TUSC3: variants seen among roughly 807,000 people sequenced by gnomAD.
TUSC3 encodes dolichyl-diphosphooligosaccharide--protein glycosyltransferase subunit TUSC3.
TUSC3 carries 45 observed loss-of-function variants against 44.8 expected under a neutral mutation model. The observed-to-expected ratio is 1.00, with a 90% confidence interval of 0.79 to 1.29. The LOEUF (loss-of-function observed/expected upper bound fraction) is 1.29. Ranked by LOEUF, TUSC3 falls within the 50% of genes most tolerant of loss-of-function variation. TUSC3 has a pLI of 0.00. For synonymous variants in TUSC3, 212 were observed against 152.9 expected (o/e 1.39, Z -2.85); for missense variants, 519 against 437.9 (o/e 1.19, Z -1.65).
chr8:15,684,123 A>G (rs1046171203), intron 6 of TUSC3, among the ~76,000 whole-genome samples: 25 of 152,194 alleles, frequency 1.6e-4, no homozygotes, highest in Admixed American at 1.4e-3. Context: ...CGGGGGCCAT[A>G]TATGACTGCC....
intron 2 of TUSC3, among the ~76,000 whole-genome samples, chr8:15,630,427 G>C (rs9694476): frequency 0.33 from 49,339 of 151,718 alleles, 8,541 homozygotes; most frequent in East Asian, 0.41. Flanking sequence ...TATTGGGGAC[G>C]CTATGTTAAG....
chr8:15,573,783 T>A (rs186279457), intron 1 of TUSC3, among the ~76,000 whole-genome samples: 3 of 152,166 alleles, frequency 2.0e-5, no homozygotes, highest in Non-Finnish European at 2.9e-5. Context: ...TGATTTTTTT[T>A]AATGCTAACA....
chr8:15,607,912 G>A (rs1052089484), intron 1 of TUSC3, among the ~76,000 whole-genome samples: 1 of 152,042 alleles, frequency 6.6e-6, no homozygotes, highest in South Asian at 2.1e-4. Flanking sequence ...TCTAGTTATG[G>A]AACGTAATGA....
chr8:15,565,428 A>T lies in TUSC3; in HGVS notation c.138+24860A>T, dbSNP rs146592244. Among the ~76,000 whole-genome samples, 44 of 152,254 alleles carry T rather than the reference A, an allele frequency of 2.9e-4. 1 individual carries two copies. The highest frequency in any genetic ancestry group is 9.4e-4 in the African/African-American group (39 of 41,558). On this transcript the variant is annotated intron_variant, in intron 1 of 10. Transcript: ENST00000503731. ...AATTAACCTGTTTCTTGGAATTAGAACATGGACATCTTTGGTGGGTTGGGA... is the reference window on the plus strand; with the variant it reads ...AATTAACCTGTTTCTTGGAATTAGATCATGGACATCTTTGGTGGGTTGGGA...
intron 10 of TUSC3, among the ~76,000 whole-genome samples, chr8:15,759,582 G>A (rs556944497): frequency 2.0e-4 from 30 of 152,028 alleles, no homozygotes; most frequent in African/African-American, 7.0e-4. Flanking sequence ...ATATACCCTC[G>A]GTCTCCAGTA....
intron 1 of TUSC3, among the ~76,000 whole-genome samples, chr8:15,573,365 G>C (rs1023857251): frequency 6.6e-6 from 1 of 151,478 alleles, no homozygotes; most frequent in Admixed American, 6.6e-5. Context: ...TACTGGGCTT[G>C]TTTGTGTCAG....
chr8:15,668,645 CAAA>C (rs1311423162), intron 5 of TUSC3, among the ~76,000 whole-genome samples: 1 of 151,682 alleles, frequency 6.6e-6, no homozygotes, highest in Non-Finnish European at 1.5e-5. Context: ...TTGTGACTCT[CAAA>C]GAAAACACAA....
chr8:15,794,735 A>C, the TUSC3 span, among the ~76,000 whole-genome samples: 1 of 151,934 alleles, frequency 6.6e-6, no homozygotes, highest in African/African-American at 2.4e-5. Context: ...TGGGAACCCA[A>C]ATTTTTTATA....
chr8:15,432,693 T>C (rs919508087), intron 1 of TUSC3, among the ~76,000 whole-genome samples: 1 of 152,156 alleles, frequency 6.6e-6, no homozygotes, highest in African/African-American at 2.4e-5. Context: ...AATCTTTTAA[T>C]GAGTATGCAC....
At chr8:15,819,847 T>C in the TUSC3 span, among the ~76,000 whole-genome samples, 6 of 152,350 alleles carry the variant, frequency 3.9e-5, no homozygotes, top group Non-Finnish European at 8.8e-5. Flanking sequence ...GTATTTATGA[T>C]AAAAGACAGA....
At chr8:15,452,743 C>G (rs1338915450) in intron 1 of TUSC3, among the ~76,000 whole-genome samples, 1 of 152,166 alleles carries the variant, frequency 6.6e-6, no homozygotes, top group Non-Finnish European at 1.5e-5. Context: ...CAAGTTGGCT[C>G]ACTGCAGCCT....
intron 9 of TUSC3, among the ~76,000 whole-genome samples, chr8:15,753,576 ATATGTGC>A (rs1811797548): frequency 6.6e-6 from 1 of 152,240 alleles, no homozygotes; most frequent in African/African-American, 2.4e-5. Context: ...TAGCACATGT[ATATGTGC>A]TAAAGTTAAC....
At chr8:15,687,939 A>G (rs987073625) in intron 6 of TUSC3, among the ~76,000 whole-genome samples, 7 of 152,208 alleles carry the variant, frequency 4.6e-5, no homozygotes, top group African/African-American at 1.4e-4. Flanking sequence ...ATGTGTTTTA[A>G]TATGTCAAAC....
intron 8 of TUSC3, 143 bp from the exon 9 acceptor site, chr8:15,748,232 C>T: frequency 1.4e-6 from 1 of 698,740 alleles, no homozygotes; most frequent in South Asian, 1.6e-5. Context: ...ATACCTGTAT[C>T]CAAATACCTG....
At chr8:15,467,056 A>C (rs1004530608) in intron 1 of TUSC3, among the ~76,000 whole-genome samples, 3 of 152,106 alleles carry the variant, frequency 2.0e-5, no homozygotes, top group Admixed American at 6.5e-5. Flanking sequence ...AAATCGAGAT[A>C]AGTGTACAGT....
chr8:15,800,513 C>A, the TUSC3 span, among the ~76,000 whole-genome samples: 1 of 151,274 alleles, frequency 6.6e-6, no homozygotes, highest in Non-Finnish European at 1.5e-5. Context: ...GCTGAGGCTG[C>A]AGTGAGCTGA....
At chr8:15,440,468 C>T (rs1187023687) in intron 1 of TUSC3, among the ~76,000 whole-genome samples, 1 of 152,106 alleles carries the variant, frequency 6.6e-6, no homozygotes, top group Non-Finnish European at 1.5e-5. Flanking sequence ...CAGAGAATAA[C>T]AGAACTAATT....
chr8:15,498,436 G>A (rs909580970), intron 2 of TUSC3, among the ~76,000 whole-genome samples: 3 of 152,168 alleles, frequency 2.0e-5, no homozygotes, highest in Non-Finnish European at 4.4e-5. Flanking sequence ...TAGGAGAACC[G>A]GAGCAGGGAA....
chr8:15,483,129 G>A (rs1032771337), intron 1 of TUSC3, among the ~76,000 whole-genome samples: 3 of 152,152 alleles, frequency 2.0e-5, no homozygotes, highest in East Asian at 3.9e-4. Flanking sequence ...AATTTGAGAG[G>A]AAAGTGTTAA....
Sources: allele counts gnomAD v4.1 joint callset (sites outside exome capture counted in the v4.1 genomes callset), GRCh38; gene constraint gnomAD v4.1.1; transcripts MANE v1.5; gene names NCBI Gene and HGNC (gene_info 2026-07-23, HGNC 2026-07-21).